The following CASD1 variants were observed in gnomAD, a reference collection of about 807,000 sequenced individuals.
The protein encoded by CASD1 is N-acetylneuraminate (7)9-O-acetyltransferase.
CASD1 carries 41 observed loss-of-function variants against 100.0 expected under a neutral mutation model. The ratio of observed to expected loss-of-function variants is 0.41; its 90% CI spans 0.32 to 0.53. The LOEUF (loss-of-function observed/expected upper bound fraction) is 0.53. Among genes scored for constraint, CASD1 ranks in the 20% least tolerant of loss-of-function variants. The pLI is 0.25. For synonymous variants in CASD1, 321 were observed against 315.6 expected (o/e 1.02, Z -0.18); for missense variants, 774 against 948.7 (o/e 0.82, Z 2.42).
rs1795194979 is a variant in CASD1 at position 94,537,852 on chromosome 7, C to T, written c.1224C>T (p.Tyr408=). 1.3e-6 allele frequency: 2 copies of T among 1,576,464 alleles called. No individual in the cohort carries two copies. The highest frequency in any genetic ancestry group is 1.4e-5 in the African/African-American group (1 of 73,996). Residue 408 remains tyrosine (Y), a synonymous_variant, in exon 9 of 18, where the codon TAC becomes TAT. Coordinates refer to ENST00000297273, the MANE Select transcript of CASD1 (RefSeq NM_022900.5). The part of the protein sequence containing the change: ...THSSFFIPII[Y]ILVLGVFYNE... ...CATCTTTCTTTATTCCAATTATCTA[C>T]ATTTTGGTTTTGGGAGTATTTTATA...
chr7:94,538,002 G>A, intron 9 of CASD1, 108 bp downstream of exon 9: 1 of 679,836 alleles, frequency 1.5e-6, no homozygotes, highest in South Asian at 2.0e-5. Context: ...AACAGGTATA[G>A]AGATGAAGAT....
chr7:94,624,531 G>A, the CASD1 span: 6 of 270,376 alleles, frequency 2.2e-5, no homozygotes, highest in African/African-American at 1.3e-4. Context: ...TTATTTCCTT[G>A]CTGTTATCTG....
At chr7:94,627,163 C>T in the CASD1 span, 4 of 152,034 alleles carry the variant, frequency 2.6e-5, no homozygotes, top group Admixed American at 6.6e-5. Flanking sequence ...TCAATTCCAA[C>T]TGAATTGGCC....
Position 94,551,408 on chromosome 7 carries a change from GA to G in CASD1, c.1889del (p.Lys630ArgfsTer19). On this transcript the variant is annotated frameshift_variant, in exon 15 of 18. Transcript: ENST00000297273. LOFTEE classifies it high-confidence loss of function. Reference sequence around the variant, plus strand: ...CAGAAGCGTCAAATACTTTCTGAAGGAAAGGGTGAACCTCTTTTTTCAAACA... The same window carrying G: ...CAGAAGCGTCAAATACTTTCTGAAGGAAGGGTGAACCTCTTTTTTCAAACA... Reference protein sequence around the residue: ...ALQKRQILSEGKGEPLFSNKI... With the variant: ...ALQKRQILSEXKGEPLFSNKI... 6.4e-7 allele frequency: 1 copy of G among 1,552,800 alleles called. No homozygotes were observed. Among genetic ancestry groups the G allele is most frequent in the East Asian group, 2.4e-5 (1 of 41,356 alleles).
chr7:94,601,606 T>C, the CASD1 span, among the ~76,000 whole-genome samples: 2 of 152,070 alleles, frequency 1.3e-5, no homozygotes, highest in African/African-American at 4.8e-5. Flanking sequence ...TGCTACTACA[T>C]TTGCTACTAA....
chr7:94,591,047 G>A, the CASD1 span, among the ~76,000 whole-genome samples: 6 of 151,994 alleles, frequency 3.9e-5, no homozygotes, highest in East Asian at 9.6e-4. Flanking sequence ...TCATCCCGAC[G>A]ATTATATTCG....
rs1222309842 is a variant in CASD1, at chr7:94,545,599, C to T, written c.1531C>T (p.Pro511Ser). The stretch of plus-strand genomic sequence containing the variant: ...GGTGTTATGTATAGTAATGGATCGA[C>T]CTTATCAATTCTATTACTTTGTCCC... ...VVVLCIVMDR[P>S]YQFYYFVPLV... The change falls in exon 12 of 18, where the codon CCT becomes TCT. Residue 511 changes from proline (P) to serine (S), a missense_variant. Around this residue, in one of 5 missense-constraint regions of CASD1, gnomAD observed 453 missense variants for 532.6 expected, o/e 0.85. Transcript: ENST00000297273. The T allele has an allele frequency of 1.9e-6, 3 of 1,609,028 alleles. No homozygotes were observed. Among genetic ancestry groups the T allele is most frequent in the Admixed American group, 3.3e-5 (2 of 59,966 alleles).
the CASD1 span, among the ~76,000 whole-genome samples, chr7:94,573,019 G>T: frequency 6.6e-6 from 1 of 152,084 alleles, no homozygotes; most frequent in Non-Finnish European, 1.5e-5. Context: ...TGTCAGCTTT[G>T]TTGAAGATCA....
chr7:94,542,384 A>C lies in CASD1; in HGVS notation c.1357-2027A>C, dbSNP rs183934456. 2.2e-4 allele frequency among the ~76,000 whole-genome samples: 34 copies of C among 152,280 alleles called. 1 individual carries two copies. The highest frequency in any genetic ancestry group is 5.3e-4 in the African/African-American group (22 of 41,576). ...TGAAATGTATACCACATTAAATATG[A>C]TTAATTATGATAAATCAGTACTAAA... On this transcript the variant is annotated intron_variant, in intron 10 of 17. Transcript: ENST00000297273.
chr7:94,587,442 A>G, the CASD1 span: 2 of 1,182,896 alleles, frequency 1.7e-6, no homozygotes, highest in South Asian at 3.9e-5. Context: ...ATCTTAGGCG[A>G]GATGGAAGCT....
intron 14 of CASD1, among the ~76,000 whole-genome samples, chr7:94,550,449 G>C (rs1795893721): frequency 1.3e-5 from 2 of 152,048 alleles, no homozygotes; most frequent in Non-Finnish European, 2.9e-5. Context: ...ATTCTCATTA[G>C]AGCAGTGTAT....
the CASD1 span, among the ~76,000 whole-genome samples, chr7:94,612,605 A>G: frequency 1.1e-4 from 16 of 152,190 alleles, no homozygotes; most frequent in African/African-American, 3.6e-4. Context: ...ATAATATTAC[A>G]AAGACTATCT....
chr7:94,513,287 C>CAAAA (rs766687618), intron 1 of CASD1, among the ~76,000 whole-genome samples: 44 of 63,818 alleles, frequency 6.9e-4, no homozygotes, highest in African/African-American at 1.7e-3. Flanking sequence ...GATCGCATCC[C>CAAAA]AAAAAAAAAA....
At chr7:94,604,466 C>T in the CASD1 span, among the ~76,000 whole-genome samples, 15 of 151,588 alleles carry the variant, frequency 9.9e-5, no homozygotes, top group Non-Finnish European at 1.8e-4. Context: ...ATTTGGAAAA[C>T]TCACAATTCC....
At chr7:94,633,556 T>C in the CASD1 span, among the ~76,000 whole-genome samples, 1 of 152,044 alleles carries the variant, frequency 6.6e-6, no homozygotes, top group African/African-American at 2.4e-5. Context: ...CTGCAGCCAT[T>C]TCAACAACTC....
At chr7:94,588,675 T>C in the CASD1 span, 1 of 1,580,894 alleles carries the variant, frequency 6.3e-7, no homozygotes, top group South Asian at 1.1e-5. Flanking sequence ...TAATTTATTA[T>C]TCTTAGCACT....
chr7:94,576,901 C>T, the CASD1 span, among the ~76,000 whole-genome samples: 4 of 152,132 alleles, frequency 2.6e-5, no homozygotes, highest in Non-Finnish European at 5.9e-5. Context: ...ATCATTGAAC[C>T]TGAGTATGGT....
At chr7:94,516,788 C>T (rs1793997928) in intron 1 of CASD1, among the ~76,000 whole-genome samples, 1 of 152,070 alleles carries the variant, frequency 6.6e-6, no homozygotes, top group Admixed American at 6.5e-5. Flanking sequence ...TGAGGAGTTT[C>T]CTAGTTACGG....
the CASD1 span, chr7:94,622,340 A>G: frequency 6.6e-6 from 1 of 152,168 alleles, no homozygotes; most frequent in African/African-American, 2.4e-5. Context: ...ATACAATTCA[A>G]CTACAGGCCA....
Sources: allele counts gnomAD v4.1 joint callset (sites outside exome capture counted in the v4.1 genomes callset), GRCh38; gene constraint gnomAD v4.1.1; regional missense constraint gnomAD v4.1.1; transcripts MANE v1.5; gene names NCBI Gene and HGNC (gene_info 2026-07-23, HGNC 2026-07-21).